CRB1: variants seen among roughly 807,000 people sequenced by gnomAD.
CRB1 encodes the protein crumbs cell polarity complex component 1.
Under a neutral mutation model 120.0 loss-of-function variants are expected in CRB1, and 83 were observed. The ratio of observed to expected loss-of-function variants is 0.69; its 90% confidence interval spans 0.58 to 0.83. CRB1 has a LOEUF of 0.83. Among genes scored for constraint, CRB1 ranks in the 40% least tolerant of loss-of-function variants. The pLI is 0.00. For missense variants in CRB1, 1,699 were observed against 1,687.6 expected (o/e 1.01, Z -0.12); for synonymous variants, 625 against 612.5 (o/e 1.02, Z -0.30).
At chr1:197,348,867 T>G (rs1019659453) in intron 4 of CRB1, among the ~76,000 whole-genome samples, 1 of 151,784 alleles carries the variant, frequency 6.6e-6, no homozygotes, top group Non-Finnish European at 1.5e-5. Context: ...TTTGAAAAAT[T>G]TATAAAGTAA....
intron 4 of CRB1, among the ~76,000 whole-genome samples, chr1:197,354,866 CCACA>C (rs1558076441): frequency 1.6e-5 from 1 of 62,038 alleles, no homozygotes; most frequent in African/African-American, 5.6e-5. Context: ...GCCCACCCAC[CCACA>C]TCCTGCTGAT....
chr1:197,400,344 C>T (rs1170550929), intron 5 of CRB1, among the ~76,000 whole-genome samples: 1 of 143,122 alleles, frequency 7.0e-6, no homozygotes. Context: ...TAAGGTCTTG[C>T]TCTGTCACCC....
chr1:197,355,726 C>T (rs140292456), intron 4 of CRB1, among the ~76,000 whole-genome samples: 350 of 152,316 alleles, frequency 2.3e-3, no homozygotes, highest in African/African-American at 7.8e-3. Flanking sequence ...CCAGAACTCA[C>T]GCAGCCCCGC....
chr1:197,407,540 C>T (rs1663479339), intron 5 of CRB1, among the ~76,000 whole-genome samples: 1 of 152,128 alleles, frequency 6.6e-6, no homozygotes, highest in African/African-American at 2.4e-5. Flanking sequence ...CTTAGCTTTT[C>T]CAGATCAAAT....
intron 5 of CRB1, among the ~76,000 whole-genome samples, chr1:197,390,804 G>T (rs1486618579): frequency 1.3e-5 from 2 of 151,848 alleles, no homozygotes; most frequent in Non-Finnish European, 2.9e-5. Flanking sequence ...GCTTCTATTT[G>T]ATTCTTGGTG....
intron 5 of CRB1, among the ~76,000 whole-genome samples, chr1:197,382,598 A>C (rs1445501961): frequency 2.0e-5 from 3 of 152,234 alleles, no homozygotes; most frequent in Admixed American, 6.5e-5. Context: ...TGCTTTAAGT[A>C]TCAAATGAAT....
rs1234486295 is a variant in CRB1, at chr1:197,477,674, A to G, written c.4016A>G (p.Asp1339Gly). 1 of 1,613,650 alleles carries G rather than the reference A, an allele frequency of 6.2e-7. No individual in the cohort carries two copies. The highest frequency in any genetic ancestry group is 8.5e-7 in the Non-Finnish European group (1 of 1,179,752). Residue 1339 changes from aspartate to glycine, a missense_variant, in exon 12 of 12, where the codon GAC becomes GGC. By Grantham distance (94) the Asp-to-Gly change is moderately conservative (BLOSUM62 -1). Transcript: ENST00000367400. ...TTTCAATCTTTCCAGTTGGCAGATG[A>G]CTTGATCTCCGACATTTTCACCACT... ...GERCEVDLAD[D>G]LISDIFTTIG...
At chr1:197,405,309 C>A (rs1348821193) in intron 5 of CRB1, among the ~76,000 whole-genome samples, 1 of 152,100 alleles carries the variant, frequency 6.6e-6, no homozygotes, top group African/African-American at 2.4e-5. Flanking sequence ...AGCTCCTAAC[C>A]GCGAGTGATC....
At chr1:197,286,784 G>A (rs978911591) in intron 1 of CRB1, among the ~76,000 whole-genome samples, 6 of 151,752 alleles carry the variant, frequency 4.0e-5, no homozygotes, top group African/African-American at 1.5e-4. Flanking sequence ...CCCATGTTTT[G>A]CATTATAATT....
chr1:197,281,665 A>G (rs1571759428), intron 1 of CRB1, among the ~76,000 whole-genome samples: 1 of 151,932 alleles, frequency 6.6e-6, no homozygotes, highest in Non-Finnish European at 1.5e-5. Flanking sequence ...GTAAGGAAGA[A>G]GCAGAGTGGG....
chr1:197,442,622 G>C, intron 11 of CRB1: 1 of 1,130,120 alleles, frequency 8.8e-7, no homozygotes, highest in Non-Finnish European at 1.2e-6. Flanking sequence ...TATGAAAAAA[G>C]TGTTCTTAAT....
chr1:197,418,278 G>C (rs559206014), intron 5 of CRB1, among the ~76,000 whole-genome samples: 1 of 152,108 alleles, frequency 6.6e-6, no homozygotes, highest in East Asian at 1.9e-4. Flanking sequence ...TATTAAACTT[G>C]TATTGGAACA....
chr1:197,215,387 C>A, the CRB1 span, among the ~76,000 whole-genome samples: 69 of 151,378 alleles, frequency 4.6e-4, no homozygotes, highest in African/African-American at 1.7e-3. Context: ...AAGCAATTAT[C>A]CTGCCTCAGC....
intron 5 of CRB1, 37 bp downstream of exon 5, chr1:197,357,050 G>A (rs761983785): frequency 6.2e-7 from 1 of 1,600,692 alleles, no homozygotes; most frequent in East Asian, 2.2e-5. Context: ...TTGACTTTCT[G>A]GTATTTTATG....
rs1336674793 is a variant in CRB1, at chr1:197,421,786, T to C, written c.1958T>C (p.Ile653Thr). The change falls in exon 6 of 12, where the codon ATT becomes ACT. Residue 653 changes from isoleucine (I) to threonine (T), a missense_variant. Physicochemically the swap from Ile to Thr is moderately conservative, Grantham distance 89. Transcript: ENST00000367400. Reference sequence around the variant, plus strand: ...GACATTAAAATTGATTGGAATCACATTACCCTGGAGAACATCTCGTCTGGC... The same window carrying C: ...GACATTAAAATTGATTGGAATCACACTACCCTGGAGAACATCTCGTCTGGC... ...LQDIKIDWNH[I>T]TLENISSGSS... The C allele has an allele frequency of 6.2e-7, 1 of 1,614,098 alleles. No individual in the cohort carries two copies. The highest frequency in any genetic ancestry group is 8.5e-7 in the Non-Finnish European group (1 of 1,180,042).
chr1:197,328,026 AT>A (rs1322785130), intron 1 of CRB1, among the ~76,000 whole-genome samples: 1 of 152,216 alleles, frequency 6.6e-6, no homozygotes, highest in African/African-American at 2.4e-5. Flanking sequence ...AGCCTATATA[AT>A]TTGGTCTGAA....
At chr1:197,349,220 G>A (rs1659950532) in intron 4 of CRB1, among the ~76,000 whole-genome samples, 1 of 152,176 alleles carries the variant, frequency 6.6e-6, no homozygotes, top group Non-Finnish European at 1.5e-5. Context: ...TTGTAGCCTA[G>A]CAGCAATAGA....
the CRB1 span, among the ~76,000 whole-genome samples, chr1:197,215,347 G>A: frequency 6.7e-6 from 1 of 149,040 alleles, no homozygotes; most frequent in African/African-American, 2.5e-5. Context: ...GCACGATCTC[G>A]GCTCACCACA....
chr1:197,458,482 A>G (rs926170264), intron 11 of CRB1, among the ~76,000 whole-genome samples: 1 of 152,070 alleles, frequency 6.6e-6, no homozygotes, highest in Admixed American at 6.6e-5. Flanking sequence ...TTCATTGCCA[A>G]TTCATCTTCC....
Sources: allele counts gnomAD v4.1 joint callset (sites outside exome capture counted in the v4.1 genomes callset), GRCh38; gene constraint gnomAD v4.1.1; transcripts MANE v1.5; gene names NCBI Gene and HGNC (gene_info 2026-07-23, HGNC 2026-07-21).